Variants in NEK5 observed in about 807,000 individuals in gnomAD.
NEK5 encodes NIMA related kinase 5, also known as serine/threonine-protein kinase Nek5.
In NEK5, 88 loss-of-function variants were observed where a neutral mutation model predicts 109.2. The ratio of observed to expected loss-of-function variants is 0.81; its 90% CI spans 0.68 to 0.96. The LOEUF (loss-of-function observed/expected upper bound fraction) is 0.96. Ranked by LOEUF, NEK5 falls within the 40% of genes least tolerant of loss-of-function variation. NEK5 has a pLI of 0.00. For synonymous variants in NEK5, 283 were observed against 299.9 expected, an observed-to-expected ratio of 0.94 and a Z score of 0.58; for missense variants, 834 against 920.7, an observed-to-expected ratio of 0.91 and a Z score of 1.22.
chr13:52,110,665 T>TAC lies in NEK5; in HGVS notation c.313-90_313-89dup, dbSNP rs71665641. 678 of 655,940 alleles carry TAC rather than the reference T, an allele frequency of 1.0e-3. 6 individuals carry two copies. The highest frequency in any genetic ancestry group is 3.6e-3 in the South Asian group (202 of 56,442). 40.6% of individuals were successfully genotyped at this position (655,940 alleles called of 1,614,324 possible). The stretch of plus-strand genomic sequence containing the variant: ...GTAACATGCAAAAAGATAGAAATTA[T>TAC]ACACACACACACACACACATACACA... On this transcript the variant is annotated intron_variant, in intron 5 of 23. Transcript: ENST00000684899.
intron 4 of NEK5, among the ~76,000 whole-genome samples, chr13:52,117,307 A>G (rs551665147): frequency 1.3e-5 from 2 of 152,296 alleles, no homozygotes; most frequent in East Asian, 1.9e-4. Flanking sequence ...GCCTTTACCT[A>G]CACTCTCTAA....
At chr13:52,101,200 C>T (rs1955521869) in intron 11 of NEK5, among the ~76,000 whole-genome samples, 1 of 152,092 alleles carries the variant, frequency 6.6e-6, no homozygotes, top group South Asian at 2.1e-4. Flanking sequence ...AGATCGAGAC[C>T]ATCCTAGCTA....
chr13:52,094,651 A>G (rs1460716996), intron 12 of NEK5, among the ~76,000 whole-genome samples: 1 of 152,158 alleles, frequency 6.6e-6, no homozygotes, highest in Non-Finnish European at 1.5e-5. Flanking sequence ...GCTGGGCGTG[A>G]TGGCGGGTGC....
rs1024809944 is a variant in NEK5 at position 52,102,230 on chromosome 13, T to A, written c.672A>T (p.Ile224=). The change falls in exon 10 of 24, where the codon ATA becomes ATT. Residue 224 remains isoleucine (I), a synonymous_variant. Transcript: ENST00000684899. ...GGAGCTCACGAGAAAACCCCGGAGA[T>A]ATTGGGGCAAAATGTGCTTGACAAA... The part of the protein sequence containing the change: ...LKICQAHFAP[I]SPGFSRELHS... 2 of 1,613,892 alleles carry A rather than the reference T, an allele frequency of 1.2e-6. No individual in the cohort carries two copies. The highest frequency in any genetic ancestry group is 1.7e-6 in the Non-Finnish European group (2 of 1,179,916).
At chr13:52,067,420 G>A (rs1459666014) in intron 20 of NEK5, among the ~76,000 whole-genome samples, 1 of 152,186 alleles carries the variant, frequency 6.6e-6, no homozygotes, top group Non-Finnish European at 1.5e-5. Context: ...CAGGAAGCTT[G>A]CCTAAAACAT....
At chr13:52,040,966 T>C (rs1593913360) in intron 23 of NEK5, among the ~76,000 whole-genome samples, 1 of 152,280 alleles carries the variant, frequency 6.6e-6, no homozygotes, top group African/African-American at 2.4e-5. Context: ...ACATTACTGG[T>C]ATTTTTTTTC....
At chr13:52,083,217 A>G (rs1955050591) in intron 17 of NEK5, 43 bp downstream of exon 17, 1 of 1,339,432 alleles carries the variant, frequency 7.5e-7, no homozygotes, top group South Asian at 1.2e-5. Context: ...GGGGTAGAGC[A>G]CACACACTGC....
chr13:52,075,450 G>T (rs1322096934), intron 19 of NEK5, among the ~76,000 whole-genome samples: 2 of 152,074 alleles, frequency 1.3e-5, no homozygotes, highest in Non-Finnish European at 2.9e-5. Flanking sequence ...GGTACTCATG[G>T]ACATAAAGAT....
chr13:52,126,077 G>A (rs117239963), intron 3 of NEK5, among the ~76,000 whole-genome samples: 3,262 of 152,172 alleles, frequency 0.021, 60 homozygotes, highest in Middle Eastern at 0.075. Context: ...TGTAACTTGG[G>A]TAGTCCATTT....
chr13:52,052,935 G>C (rs965045119), intron 22 of NEK5, among the ~76,000 whole-genome samples: 2 of 152,072 alleles, frequency 1.3e-5, no homozygotes, highest in African/African-American at 4.8e-5. Flanking sequence ...ACAAATTTAG[G>C]GTTGGCTTGC....
chr13:52,108,075 T>C (rs1206184694), intron 8 of NEK5, among the ~76,000 whole-genome samples: 1 of 152,168 alleles, frequency 6.6e-6, no homozygotes, highest in East Asian at 1.9e-4. Flanking sequence ...GCCTTCTCCC[T>C]GTACTGGTTA....
chr13:52,127,238 G>A (rs1956081916), intron 3 of NEK5, 128 bp downstream of exon 3: 6 of 609,360 alleles, frequency 9.8e-6, no homozygotes, highest in South Asian at 2.0e-5. Context: ...TTAGGAGGTT[G>A]AATTAACAAA....
rs1484885259 is a variant in NEK5, at chr13:52,079,804, TG to T, written c.1572+3455del. 3.4e-5 allele frequency among the ~76,000 whole-genome samples: 5 copies of T among 145,672 alleles called. No individual in the cohort carries two copies. The East Asian group carries it at 1.1e-3, about 31-fold the overall frequency. ...AGCCCCTCTGCCTGGCTGCCCAGTC[TG>T]GAAAGTGAGGAGCGTCTCTGCCCCG... On this transcript the variant is annotated intron_variant, in intron 17 of 23. Coordinates refer to ENST00000684899, the MANE Select transcript of NEK5 (RefSeq NM_001365552.1).
At chr13:52,040,359 A>T (rs1360676440) in intron 23 of NEK5, among the ~76,000 whole-genome samples, 1 of 152,144 alleles carries the variant, frequency 6.6e-6, no homozygotes, top group Non-Finnish European at 1.5e-5. Flanking sequence ...TGCTGGGATT[A>T]CAGGCGTGAG....
intron 4 of NEK5, among the ~76,000 whole-genome samples, chr13:52,115,750 C>T (rs1955845276): frequency 6.6e-6 from 1 of 151,768 alleles, no homozygotes; most frequent in Non-Finnish European, 1.5e-5. Context: ...TCAAATTTTC[C>T]ATCTGCTGTA....
At position 52,035,731 on chromosome 13, in the gene NEK5, A is replaced by G. The variant is rs773185625; in HGVS notation, c.*1217T>C. On this transcript the variant is annotated 3_prime_UTR_variant, in exon 24 of 24. Coordinates refer to ENST00000684899, the MANE Select transcript of NEK5 (RefSeq NM_001365552.1). Reference sequence around the variant, plus strand: ...GATATAGTCCCTGCCCTCAACCTATACACTTGAAACTATTGGAAACTATTG... The same window carrying G: ...GATATAGTCCCTGCCCTCAACCTATGCACTTGAAACTATTGGAAACTATTG... The G allele has an allele frequency of 6.6e-6, 1 of 152,192 alleles. No homozygotes were observed. Among genetic ancestry groups the G allele is most frequent in the Non-Finnish European group, 1.5e-5 (1 of 68,034 alleles). 9.4% of individuals were successfully genotyped at this position (152,192 alleles called of 1,614,324 possible).
intron 22 of NEK5, among the ~76,000 whole-genome samples, chr13:52,055,940 C>T (rs189266268): frequency 3.2e-4 from 49 of 151,580 alleles, no homozygotes; most frequent in African/African-American, 9.7e-4. Flanking sequence ...CAAATTCACA[C>T]ATAACAATAT....
rs1393732960 is a variant in NEK5 at position 52,070,909 on chromosome 13, G to C, written c.1849+1035C>G. ...TCACTTTGGTCCTCACAATTACCCT[G>C]TGTGGTTATTCCTACTACTATTATC... On this transcript the variant is annotated intron_variant, in intron 20 of 23. Coordinates refer to ENST00000684899, the MANE Select transcript of NEK5 (RefSeq NM_001365552.1). Among the ~76,000 whole-genome samples the C allele has an allele frequency of 2.6e-5, 4 of 152,206 alleles. No homozygotes were observed. The East Asian group carries it at 7.7e-4, about 29-fold the overall frequency.
chr13:52,052,308 A>T (rs1954512696), intron 22 of NEK5, among the ~76,000 whole-genome samples: 1 of 152,162 alleles, frequency 6.6e-6, no homozygotes, highest in South Asian at 2.1e-4. Flanking sequence ...ATTGAGACCT[A>T]TCTCAGATAT....
Sources: allele counts gnomAD v4.1 joint callset (sites outside exome capture counted in the v4.1 genomes callset), GRCh38; gene constraint gnomAD v4.1.1; transcripts MANE v1.5; gene names NCBI Gene and HGNC (gene_info 2026-07-23, HGNC 2026-07-21).